Variants in GPC1 observed in about 807,000 individuals in gnomAD.
GPC1 encodes glypican-1.
A neutral mutation model predicts 51.5 loss-of-function variants in GPC1; 26 were observed. The observed-to-expected ratio is 0.50, with a 90% CI of 0.37 to 0.70. GPC1 has a LOEUF of 0.70. GPC1 is among the 30% of genes least tolerant of loss of function. GPC1 has a pLI of 0.00. For synonymous variants in GPC1, 380 were observed against 348.3 expected (o/e 1.09, Z -1.01); for missense variants, 775 against 800.5 (o/e 0.97, Z 0.38).
chr2:240,450,720 CGTGTTCG>C, intron 1 of GPC1: 1 of 468,362 alleles, frequency 2.1e-6, no homozygotes, highest in South Asian at 1.6e-5. Context: ...GGCAGTGGGT[CGTGTTCG>C]CTCCAGTGCC....
At chr2:240,446,996 C>G (rs2074054766) in intron 1 of GPC1, among the ~76,000 whole-genome samples, 1 of 152,148 alleles carries the variant, frequency 6.6e-6, no homozygotes, top group Non-Finnish European at 1.5e-5. Flanking sequence ...GGTGTCCATC[C>G]ACAGCCGTGT....
In GPC1 at chr2:240,466,407, G is replaced by A. The variant is rs562650364; in HGVS notation, c.*117G>A. On this transcript the variant is annotated 3_prime_UTR_variant, in exon 9 of 9. Transcript: ENST00000264039. ...CTGGGGTGGGACAGGGAGGGCCGGC[G>A]GCTCTGAGCAGGGGCAGGCGCAGAG... 12 of 647,320 alleles carry A rather than the reference G, an allele frequency of 1.9e-5. No homozygotes were observed. Among genetic ancestry groups the A allele is most frequent in the African/African-American group, 3.6e-5 (2 of 54,922 alleles). 40.1% of individuals were successfully genotyped at this position (647,320 alleles called of 1,614,324 possible).
chr2:240,463,439 C>G lies in GPC1; in HGVS notation c.810C>G (p.Asp270Glu), dbSNP rs1319150717. ...LGVPGARPCP[D>E]YCRNVLKGCL... ...TCCCCGGCGCCAGGCCCTGCCCTGA[C>G]TATTGCCGAAATGTGCTCAAGGGCT... Residue 270 changes from aspartate to glutamate, a missense_variant, in exon 4 of 9, where the codon GAC becomes GAG. Asp to Glu is a conservative substitution (Grantham distance 45). Coordinates refer to ENST00000264039, the MANE Select transcript of GPC1 (RefSeq NM_002081.3). The G allele has an allele frequency of 3.1e-6, 5 of 1,612,900 alleles. No individual in the cohort carries two copies. The highest frequency in any genetic ancestry group is 2.2e-5 in the East Asian group (1 of 44,896).
At chr2:240,461,308 A>G (rs1559201805) in intron 2 of GPC1, among the ~76,000 whole-genome samples, 1 of 152,154 alleles carries the variant, frequency 6.6e-6, no homozygotes. Flanking sequence ...CCCGTGCCTC[A>G]AAGGAGAGCC....
chr2:240,436,893 A>G (rs2073987742), intron 1 of GPC1, among the ~76,000 whole-genome samples: 2 of 152,226 alleles, frequency 1.3e-5, no homozygotes, highest in South Asian at 4.1e-4. Context: ...TAAGCCCTGC[A>G]GCCGCCTGCG....
At position 240,448,063 on chromosome 2, in the gene GPC1, G is replaced by C. The variant is rs35066644; in HGVS notation, c.167-10967G>C. On this transcript the variant is annotated intron_variant, in intron 1 of 8. Coordinates refer to ENST00000264039, the MANE Select transcript of GPC1 (RefSeq NM_002081.3). The surrounding 1 kb of genome is among the most constrained non-coding windows in gnomAD (Gnocchi z 4.5). ...GTGTCCCCAGGGCACAGTGACAGTG[G>C]AACGGCCGGAGGCGCTCTCGAGCCC... Among the ~76,000 whole-genome samples the C allele has an allele frequency of 0.086, 13,145 of 152,248 alleles. 743 individuals are homozygous for C. The highest frequency in any genetic ancestry group is 0.12 in the Non-Finnish European group (8,281 of 67,986).
At chr2:240,458,961 C>T (rs2074193526) in intron 1 of GPC1, 69 bp from the exon 2 acceptor site, 2 of 1,468,880 alleles carry the variant, frequency 1.4e-6, no homozygotes, top group Admixed American at 1.7e-5. Flanking sequence ...CCCAGGAGAG[C>T]CTGAGGGTGC....
rs374714085 is a variant in GPC1, at chr2:240,459,790, G to A, written c.325+602G>A. 2.0e-4 allele frequency among the ~76,000 whole-genome samples: 30 copies of A among 152,300 alleles called. No homozygotes were observed. The East Asian group carries it at 4.4e-3, about 23-fold the overall frequency. On this transcript the variant is annotated intron_variant, in intron 2 of 8. Coordinates refer to ENST00000264039, the MANE Select transcript of GPC1 (RefSeq NM_002081.3). Reference sequence around the variant, plus strand: ...TACTCCTCGGCCCAGGCTGGGCCTCGCCTTGTGTCTGGGCAGAGAGTGGCA... The same window carrying A: ...TACTCCTCGGCCCAGGCTGGGCCTCACCTTGTGTCTGGGCAGAGAGTGGCA...
rs79916893 is a variant in GPC1 at position 240,443,086 on chromosome 2, G to T, written c.166+7002G>T. On this transcript the variant is annotated intron_variant, in intron 1 of 8. Coordinates refer to ENST00000264039, the MANE Select transcript of GPC1 (RefSeq NM_002081.3). ...GGTGGCAGGGCCGGGCCACTCAGGT[G>T]ATGTTCCAGGTCTAGTGGTACAGCA... is the stretch of plus-strand genomic sequence containing the variant. Among the ~76,000 whole-genome samples the T allele has an allele frequency of 3.8e-3, 584 of 152,398 alleles. 4 individuals carry two copies. Among genetic ancestry groups the T allele is most frequent in the African/African-American group, 0.013 (541 of 41,600 alleles).
At chr2:240,463,248 T>C in intron 3 of GPC1, 99 bp from the exon 4 acceptor site, 1 of 1,031,262 alleles carries the variant, frequency 9.7e-7, no homozygotes, top group Non-Finnish European at 1.4e-6. Flanking sequence ...TCCCCTGACT[T>C]CCCTCCAGAG....
chr2:240,461,977 C>T (rs2074219661), intron 2 of GPC1, among the ~76,000 whole-genome samples: 1 of 152,092 alleles, frequency 6.6e-6, no homozygotes, highest in Admixed American at 6.5e-5. Flanking sequence ...GGACCCCCTG[C>T]CACCTGGGCC....
rs1389267620 is a variant in GPC1, at chr2:240,456,485, G to A, written c.167-2545G>A. ...CCAGCCAGCCTGGCCTGGGTGCCCC[G>A]TCACAGCTGAGCCCATCTCAGCTGA... is the stretch of plus-strand genomic sequence containing the variant. On this transcript the variant is annotated intron_variant, in intron 1 of 8. Coordinates refer to ENST00000264039, the MANE Select transcript of GPC1 (RefSeq NM_002081.3). 1.5e-5 allele frequency: 6 copies of A among 404,632 alleles called. No homozygotes were observed. In the East Asian group the frequency reaches 2.2e-4, roughly 15 times the overall value. 25.1% of individuals were successfully genotyped at this position (404,632 alleles called of 1,614,324 possible).
intron 1 of GPC1, among the ~76,000 whole-genome samples, chr2:240,456,868 G>A (rs941994391): frequency 6.6e-6 from 1 of 152,134 alleles, no homozygotes; most frequent in Non-Finnish European, 1.5e-5. Flanking sequence ...CTTGCCTGAG[G>A]GCGCCTTCCC....
intron 2 of GPC1, among the ~76,000 whole-genome samples, chr2:240,460,863 C>A (rs998119982): frequency 1.3e-5 from 2 of 152,166 alleles, no homozygotes; most frequent in African/African-American, 4.8e-5. Flanking sequence ...CTCCCAGCCT[C>A]CGGGGCAGCT....
intron 1 of GPC1, chr2:240,452,985 G>A (rs1423198544): frequency 5.7e-6 from 2 of 351,110 alleles, no homozygotes; most frequent in Non-Finnish European, 1.1e-5. Context: ...CAGAGCCCGC[G>A]CGCCGCCCGG....
intron 1 of GPC1, among the ~76,000 whole-genome samples, chr2:240,440,037 C>T (rs889944208): frequency 5.9e-5 from 9 of 152,224 alleles, no homozygotes; most frequent in South Asian, 2.1e-4. Context: ...CCGGTGTCCC[C>T]GGGCCTTTTC....
chr2:240,448,244 G>A lies in GPC1; in HGVS notation c.167-10786G>A, dbSNP rs549964118. On this transcript the variant is annotated intron_variant, in intron 1 of 8. Coordinates refer to ENST00000264039, the MANE Select transcript of GPC1 (RefSeq NM_002081.3). This position sits in a 1 kb window ranked among gnomAD's most constrained non-coding sequence, Gnocchi z 4.5. ...GGGCCTCTCCCTTCCCCTACGGGAT[G>A]GGGCTGGTTCGTTCCCCCAGGCTGT... Among the ~76,000 whole-genome samples, 4 of 152,260 alleles carry A rather than the reference G, an allele frequency of 2.6e-5. No individual in the cohort carries two copies. The South Asian group carries it at 8.3e-4, about 32-fold the overall frequency.
At chr2:240,453,516 C>T (rs1187917111) in intron 1 of GPC1, among the ~76,000 whole-genome samples, 1 of 142,446 alleles carries the variant, frequency 7.0e-6, no homozygotes, top group Non-Finnish European at 1.5e-5. Context: ...CATCCCCCTC[C>T]CCGGGCCGTC....
At chr2:240,444,665 A>C (rs926927222) in intron 1 of GPC1, among the ~76,000 whole-genome samples, 1 of 152,178 alleles carries the variant, frequency 6.6e-6, no homozygotes, top group African/African-American at 2.4e-5. Context: ...CACCGACGAC[A>C]GCTGTCCAGT....
Sources: gnomAD v4.1 joint callset for allele counts (sites outside exome capture counted in the v4.1 genomes callset) on GRCh38, gnomAD v4.1.1 for gene constraint, Gnocchi (gnomAD v3.1) non-coding constraint, MANE v1.5 for transcripts, NCBI Gene and HGNC (gene_info 2026-07-23, HGNC 2026-07-21) for gene names.